Variants in LRP1B observed in about 807,000 individuals in gnomAD.
The protein encoded by LRP1B is LDL receptor related protein 1B.
A neutral mutation model predicts 556.6 loss-of-function variants in LRP1B; 217 were observed. That is an observed-to-expected ratio of 0.39 (90% CI 0.35 to 0.44). The LOEUF (loss-of-function observed/expected upper bound fraction) is 0.44. Among genes scored for constraint, LRP1B ranks in the 20% least tolerant of loss-of-function variants. The probability of loss-of-function intolerance (pLI) is 1.00; values close to 1 mark genes in which losing one functional copy is unlikely to be tolerated. For synonymous variants in LRP1B, 2,047 were observed against 1,865.8 expected (o/e 1.10, Z -2.50); for missense variants, 5,053 against 5,620.8 (o/e 0.90, Z 3.23).
At position 141,810,097 on chromosome 2, in the gene LRP1B, A is replaced by C. The variant is rs1331751786; in HGVS notation, c.205+182T>G. On this transcript the variant is annotated intron_variant, in intron 2 of 90. Transcript: ENST00000389484. ...CAAGTTTCTTAGGCTATTTGGAAAA[A>C]AGAAAGAAAGAAAGAAAAAGAAAGA... Among the ~76,000 whole-genome samples the C allele has an allele frequency of 3.0e-5, 4 of 134,638 alleles. No individual in the cohort carries two copies. The Admixed American group carries it at 3.0e-4, about 10-fold the overall frequency. 88.3% of individuals were successfully genotyped at this position (134,638 alleles called of 152,430 possible).
At chr2:141,850,233 T>C (rs1428559861) in intron 1 of LRP1B, among the ~76,000 whole-genome samples, 2 of 151,626 alleles carry the variant, frequency 1.3e-5, no homozygotes, top group Non-Finnish European at 3.0e-5. Flanking sequence ...TTTATGCTTT[T>C]TTTCCCCCAT....
At chr2:140,442,173 A>C (rs1686457393) in intron 66 of LRP1B, among the ~76,000 whole-genome samples, 1 of 152,166 alleles carries the variant, frequency 6.6e-6, no homozygotes, top group South Asian at 2.1e-4. Context: ...AATGATATGA[A>C]TATAGTGTTT....
At chr2:140,580,784 A>G (rs1028614088) in intron 43 of LRP1B, among the ~76,000 whole-genome samples, 4 of 151,906 alleles carry the variant, frequency 2.6e-5, no homozygotes, top group Non-Finnish European at 4.4e-5. Context: ...AACTAGAAGC[A>G]GAGAAGAGCA....
rs118024268 is a variant in LRP1B, at chr2:141,156,576, C to T, written c.1013+31845G>A. Reference sequence around the variant, plus strand: ...CTGGGAGGTGGGGGTTGCCGTGAGCCGAGATCACATCATTGCACTCCATCC... The same window carrying T: ...CTGGGAGGTGGGGGTTGCCGTGAGCTGAGATCACATCATTGCACTCCATCC... On this transcript the variant is annotated intron_variant, in intron 7 of 90. Coordinates refer to ENST00000389484, the MANE Select transcript of LRP1B (RefSeq NM_018557.3). Among the ~76,000 whole-genome samples the T allele has an allele frequency of 2.4e-4, 36 of 150,892 alleles. No homozygotes were observed. The East Asian group carries it at 6.3e-3, about 26-fold the overall frequency.
intron 7 of LRP1B, among the ~76,000 whole-genome samples, chr2:141,145,146 C>T (rs72976029): frequency 0.051 from 7,726 of 152,102 alleles, 364 homozygotes; most frequent in African/African-American, 0.13. Context: ...ATATTAGATT[C>T]GCATAAACTA....
intron 32 of LRP1B, among the ~76,000 whole-genome samples, chr2:140,792,327 G>C (rs185420419): frequency 6.4e-4 from 97 of 152,170 alleles, no homozygotes; most frequent in African/African-American, 2.2e-3. Context: ...ACCTAAGAGG[G>C]TAGAGGAAAA....
intron 3 of LRP1B, among the ~76,000 whole-genome samples, chr2:141,363,326 T>A (rs979175547): frequency 6.6e-6 from 1 of 152,202 alleles, no homozygotes; most frequent in South Asian, 2.1e-4. Flanking sequence ...TTAGAATATT[T>A]TATTAGAACA....
chr2:142,024,083 A>C (rs773714214), intron 1 of LRP1B, among the ~76,000 whole-genome samples: 2 of 152,146 alleles, frequency 1.3e-5, no homozygotes, highest in Non-Finnish European at 2.9e-5. Context: ...TTGTGCATGC[A>C]TGTTTGTAGC....
intron 3 of LRP1B, among the ~76,000 whole-genome samples, chr2:141,356,072 C>T (rs1262660929): frequency 1.3e-5 from 2 of 152,138 alleles, no homozygotes; most frequent in Non-Finnish European, 2.9e-5. Flanking sequence ...GAGTATTGCT[C>T]ATTAGGTATA....
At chr2:141,806,515 A>T (rs148117309) in intron 2 of LRP1B, among the ~76,000 whole-genome samples, 4 of 152,162 alleles carry the variant, frequency 2.6e-5, no homozygotes, top group African/African-American at 9.6e-5. Context: ...AAAATTTTCC[A>T]ATTGTGTATT....
At chr2:141,178,803 A>G (rs553091727) in intron 7 of LRP1B, among the ~76,000 whole-genome samples, 49 of 152,018 alleles carry the variant, frequency 3.2e-4, no homozygotes, top group East Asian at 9.7e-4. Flanking sequence ...CCAAGGCCCT[A>G]TGAGATTCTA....
In LRP1B at chr2:141,055,802, A is replaced by ATGTGTGTGTGTGTGTGTGTGTGTGTG. The variant is rs10664722; in HGVS notation, c.1409-569_1409-544dup. ...GTCATTTTGAGACTCTTACCACAAAATGTGTGTGTGTGTGTGTGTGTGTGT... is the reference window on the plus strand; with the variant it reads ...GTCATTTTGAGACTCTTACCACAAAATGTGTGTGTGTGTGTGTGTGTGTGTGTGTGTGTGTGTGTGTGTGTGTGTGT... On this transcript the variant is annotated intron_variant, in intron 9 of 90. Transcript: ENST00000389484. Among the ~76,000 whole-genome samples the ATGTGTGTGTGTGTGTGTGTGTGTGTG allele has an allele frequency of 3.4e-5, 5 of 145,546 alleles. No individual in the cohort carries two copies. The East Asian group carries it at 8.2e-4, about 24-fold the overall frequency.
intron 9 of LRP1B, 88 bp from the exon 10 acceptor site, chr2:141,055,347 T>TA: frequency 7.0e-7 from 1 of 1,428,236 alleles, no homozygotes; most frequent in Non-Finnish European, 9.4e-7. Flanking sequence ...TTCTATAGTG[T>TA]AAAAACAGGG....
intron 62 of LRP1B, among the ~76,000 whole-genome samples, chr2:140,453,347 T>G (rs1053298709): frequency 6.6e-6 from 1 of 152,048 alleles, no homozygotes; most frequent in Non-Finnish European, 1.5e-5. Context: ...TATTTTATTC[T>G]CACAGGAAGA....
At chr2:141,667,273 GA>G (rs889650907) in intron 2 of LRP1B, among the ~76,000 whole-genome samples, 3 of 152,036 alleles carry the variant, frequency 2.0e-5, no homozygotes, top group Non-Finnish European at 4.4e-5. Context: ...GGCATAACCA[GA>G]AAAAAACCTT....
intron 76 of LRP1B, among the ~76,000 whole-genome samples, chr2:140,351,240 A>G (rs940347075): frequency 1.3e-4 from 19 of 151,898 alleles, no homozygotes; most frequent in Non-Finnish European, 7.4e-5. Context: ...ATAATTATTG[A>G]TAGAGGTTTT....
At chr2:140,416,827 CCA>C (rs1685223802) in intron 66 of LRP1B, among the ~76,000 whole-genome samples, 1 of 152,112 alleles carries the variant, frequency 6.6e-6, no homozygotes, top group South Asian at 2.1e-4. Flanking sequence ...ATTTTATTTA[CCA>C]CATCCATCCA....
chr2:140,903,980 A>G (rs1337622451), intron 22 of LRP1B, among the ~76,000 whole-genome samples: 1 of 152,100 alleles, frequency 6.6e-6, no homozygotes, highest in Non-Finnish European at 1.5e-5. Context: ...AAAAAAGATT[A>G]GCTTTTTAAA....
At chr2:141,693,660 G>T (rs1268135331) in intron 2 of LRP1B, among the ~76,000 whole-genome samples, 2 of 152,016 alleles carry the variant, frequency 1.3e-5, no homozygotes, top group Non-Finnish European at 2.9e-5. Context: ...AGGAGTACTA[G>T]ATTTAGCCTT....
Sources: gnomAD v4.1 joint callset for allele counts (sites outside exome capture counted in the v4.1 genomes callset) on GRCh38, gnomAD v4.1.1 for gene constraint, MANE v1.5 for transcripts, NCBI Gene and HGNC (gene_info 2026-07-23, HGNC 2026-07-21) for gene names.